The following PCDH19 variants were observed in gnomAD, a reference collection of about 807,000 sequenced individuals.
PCDH19 encodes the protein protocadherin-19.
In PCDH19, 6 loss-of-function variants were observed where a neutral mutation model predicts 46.2. The observed-to-expected ratio is 0.13, with a 90% CI of 0.07 to 0.26. The LOEUF (loss-of-function observed/expected upper bound fraction) is 0.26, where lower values mean the gene tolerates loss of function less well. PCDH19 is among the 10% of genes least tolerant of loss of function. The pLI, the probability that PCDH19 is intolerant of heterozygous loss-of-function variation, is 1.00. For synonymous variants in PCDH19, 481 were observed against 415.7 expected (o/e 1.16, Z -1.91); for missense variants, 740 against 972.3 (o/e 0.76, Z 3.18).
intron 5 of PCDH19, among the ~76,000 whole-genome samples, chrX:100,312,180 G>T (rs1050389587): frequency 6.3e-5 from 7 of 110,742 alleles, no homozygotes; most frequent in Non-Finnish European, 1.3e-4. Flanking sequence ...CAAGACTGAT[G>T]ATGGAGACAA....
In PCDH19 at chrX:100,296,502, A is replaced by G; in HGVS notation, c.3222T>C (p.Ser1074=). 1 of 1,211,156 alleles carries G rather than the reference A, an allele frequency of 8.3e-7. No homozygotes were observed. Among genetic ancestry groups the G allele is most frequent in the South Asian group, 1.8e-5 (1 of 56,928 alleles). ...PVTSPLHLKS[S]LPTKPSVSYT... is the part of the protein sequence containing the mutation. ...AAGACACGGAAGGCTTGGTGGGCAG[A>G]GAGCTCTTGAGGTGGAGGGGGGAGG... The change falls in exon 6 of 6, where the codon TCT becomes TCC. Residue 1074 remains serine, a synonymous_variant. Coordinates refer to ENST00000373034, the MANE Select transcript of PCDH19 (RefSeq NM_001184880.2).
At chrX:100,328,958 G>T (rs1925786694) in intron 5 of PCDH19, among the ~76,000 whole-genome samples, 1 of 111,822 alleles carries the variant, frequency 8.9e-6, no homozygotes, top group Non-Finnish European at 1.9e-5. Context: ...AGGTTAATAA[G>T]AGATGGTTAG....
intron 3 of PCDH19, among the ~76,000 whole-genome samples, chrX:100,353,863 A>ATCCTAATGG (rs2147495083): frequency 8.9e-6 from 1 of 111,894 alleles, no homozygotes; most frequent in Non-Finnish European, 1.9e-5. Flanking sequence ...CTCATGCTGC[A>ATCCTAATGG]TCCTAATGCA....
intron 5 of PCDH19, among the ~76,000 whole-genome samples, chrX:100,322,724 A>G (rs750623052): frequency 9.5e-6 from 1 of 105,342 alleles, no homozygotes; most frequent in East Asian, 2.9e-4. Context: ...CTACTCATTC[A>G]TGAGCATGGG....
chrX:100,345,753 A>G (rs1408958302), intron 4 of PCDH19, among the ~76,000 whole-genome samples: 2 of 111,903 alleles, frequency 1.8e-5, no homozygotes, highest in Non-Finnish European at 3.8e-5. Flanking sequence ...AGCAAGGTAT[A>G]ACAACTCCCC....
chrX:100,405,562 T>TCCCCCCCCCCCCCCCCCCCC (rs376813599), intron 1 of PCDH19, among the ~76,000 whole-genome samples: 1 of 58,181 alleles, frequency 1.7e-5, no homozygotes, highest in African/African-American at 7.0e-5. Flanking sequence ...TCTCTCTCCC[T>TCCCCCCCCCCCCCCCCCCCC]CCCCCCCCCA....
rs1396814277 is a variant in PCDH19 at position 100,294,826 on chromosome X, T to C, written c.*1451A>G. 1.8e-5 allele frequency: 2 copies of C among 112,344 alleles called. No homozygotes were observed. Among genetic ancestry groups the C allele is most frequent in the African/African-American group, 3.2e-5 (1 of 30,887 alleles). The allele number at this position is 112,344 out of a possible 1,213,427, so 9.3% of individuals were successfully genotyped here. On this transcript the variant is annotated 3_prime_UTR_variant, in exon 6 of 6. Coordinates refer to ENST00000373034, the MANE Select transcript of PCDH19 (RefSeq NM_001184880.2). Reference sequence around the variant, plus strand: ...AAGATAAATGGGGGAGTTAGAGGAATGTTAAAACAGAAAAAAAGGATCTAC... The same window carrying C: ...AAGATAAATGGGGGAGTTAGAGGAACGTTAAAACAGAAAAAAAGGATCTAC...
chrX:100,311,840 G>T, intron 5 of PCDH19, among the ~76,000 whole-genome samples: 1 of 110,715 alleles, frequency 9.0e-6, no homozygotes, highest in Non-Finnish European at 1.9e-5. Flanking sequence ...GCATTATCTT[G>T]ATGTTTCAGT....
chrX:100,378,955 T>C (rs912989315), intron 3 of PCDH19, among the ~76,000 whole-genome samples: 20 of 111,184 alleles, frequency 1.8e-4, no homozygotes, highest in African/African-American at 6.5e-4. Context: ...CAGACAAACA[T>C]GGATCACTCT....
intron 5 of PCDH19, among the ~76,000 whole-genome samples, chrX:100,313,859 A>ACT (rs1925208474): frequency 4.9e-3 from 57 of 11,716 alleles, no homozygotes; most frequent in African/African-American, 9.7e-3. Flanking sequence ...GCTGTTAATC[A>ACT]CACACACACA....
intron 5 of PCDH19, among the ~76,000 whole-genome samples, chrX:100,311,049 T>C (rs1030856130): frequency 1.8e-5 from 2 of 109,009 alleles, no homozygotes; most frequent in East Asian, 2.9e-4. Context: ...TCTCACTATG[T>C]TGCTCAGGCT....
chrX:100,370,108 C>T (rs1312393701), intron 3 of PCDH19, among the ~76,000 whole-genome samples: 1 of 111,302 alleles, frequency 9.0e-6, no homozygotes, highest in African/African-American at 3.3e-5. Flanking sequence ...TAACAGTCAT[C>T]CCAAACAAAA....
chrX:100,402,465 G>C, intron 3 of PCDH19, 59 bp downstream of exon 3: 1 of 995,764 alleles, frequency 1.0e-6, no homozygotes, highest in Admixed American at 2.2e-5. Context: ...ATGGTATCCA[G>C]CGAGCAGCTA....
chrX:100,376,666 C>T (rs755904555), intron 3 of PCDH19, among the ~76,000 whole-genome samples: 1 of 99,198 alleles, frequency 1.0e-5, no homozygotes, highest in Admixed American at 1.1e-4. Flanking sequence ...CCCTTTGTTG[C>T]CAGTAACTTA....
chrX:100,374,067 G>C lies in PCDH19; in HGVS notation c.2617-23363C>G, dbSNP rs957585550. On this transcript the variant is annotated intron_variant, in intron 3 of 5. Coordinates refer to ENST00000373034, the MANE Select transcript of PCDH19 (RefSeq NM_001184880.2). ...GTAGCTTTCATTGATTTCGTCAGTAGCTTTCTTAGCAGAAGGATTCAAGCA... is the reference window on the plus strand; with the variant it reads ...GTAGCTTTCATTGATTTCGTCAGTACCTTTCTTAGCAGAAGGATTCAAGCA... Among the ~76,000 whole-genome samples the C allele has an allele frequency of 6.2e-5, 7 of 112,854 alleles. 1 individual carries two copies. The Middle Eastern group carries it at 0.014, about 223-fold the overall frequency.
At chrX:100,333,187 A>AG (rs1555976716) in intron 5 of PCDH19, among the ~76,000 whole-genome samples, 5 of 24,244 alleles carry the variant, frequency 2.1e-4, no homozygotes, top group South Asian at 4.2e-3. Flanking sequence ...GAGAGAGAGA[A>AG]AGAAAGAAAG....
Position 100,291,974 on chromosome X carries a change from T to A in PCDH19, c.*4303A>T, listed in dbSNP as rs1263999667. 1.8e-5 allele frequency: 2 copies of A among 113,432 alleles called. No individual in the cohort carries two copies. The highest frequency in any genetic ancestry group is 6.4e-5 in the African/African-American group (2 of 31,166). The allele number at this position is 113,432 out of a possible 1,213,427, so 9.3% of individuals were successfully genotyped here. A position where few individuals can be genotyped will look rare whatever the true frequency, so the allele number is the denominator to read the frequency against. ...ATGAGACATACTGTACTTGCATCCCTCTAAATTTCCACCCTGGTTTGACAG... is the reference window on the plus strand; with the variant it reads ...ATGAGACATACTGTACTTGCATCCCACTAAATTTCCACCCTGGTTTGACAG... On this transcript the variant is annotated 3_prime_UTR_variant, in exon 6 of 6. Coordinates refer to ENST00000373034, the MANE Select transcript of PCDH19 (RefSeq NM_001184880.2).
At chrX:100,396,035 C>A (rs1928017274) in intron 3 of PCDH19, among the ~76,000 whole-genome samples, 1 of 111,540 alleles carries the variant, frequency 9.0e-6, no homozygotes, top group Admixed American at 9.5e-5. Flanking sequence ...CCAGAGCCAT[C>A]CTCCCACCTC....
chrX:100,393,058 C>T (rs1398513009), intron 3 of PCDH19, among the ~76,000 whole-genome samples: 1 of 111,331 alleles, frequency 9.0e-6, no homozygotes, highest in Non-Finnish European at 1.9e-5. Flanking sequence ...GAAAGCAAGC[C>T]TCAGAAAATA....
Sources: allele counts gnomAD v4.1 joint callset (sites outside exome capture counted in the v4.1 genomes callset), GRCh38; gene constraint gnomAD v4.1.1; transcripts MANE v1.5; gene names NCBI Gene and HGNC (gene_info 2026-07-23, HGNC 2026-07-21).